Variants in P2RY12 observed in about 807,000 individuals in gnomAD.
P2RY12 encodes the protein P2Y purinoceptor 12.
P2RY12 carries 3 observed loss-of-function variants against 4.5 expected under a neutral mutation model. The ratio of observed to expected loss-of-function variants is 0.67; its 90% CI spans 0.31 to 1.74. The LOEUF is 1.74. Among genes scored for constraint, P2RY12 ranks in the 40% most tolerant of loss-of-function variants. P2RY12 has a pLI of 0.09. For missense variants in P2RY12, 356 were observed against 407.8 expected, an observed-to-expected ratio of 0.87 and a Z score of 1.09; for synonymous variants, 148 against 154.1, an observed-to-expected ratio of 0.96 and a Z score of 0.29.
intron 1 of P2RY12, among the ~76,000 whole-genome samples, chr3:151,376,465 G>GA (rs1756867706): frequency 6.6e-6 from 1 of 152,176 alleles, no homozygotes; most frequent in African/African-American, 2.4e-5. Context: ...ATGCTTCAGA[G>GA]AGGGGCTATG....
At chr3:151,384,448 A>G (rs1712957825) in intron 1 of P2RY12, among the ~76,000 whole-genome samples, 1 of 152,244 alleles carries the variant, frequency 6.6e-6, no homozygotes, top group Non-Finnish European at 1.5e-5. Flanking sequence ...TTAATTTTTT[A>G]AAGAACTTTA....
chr3:151,369,321 G>C (rs1755889737), intron 1 of P2RY12: 1 of 596,220 alleles, frequency 1.7e-6, no homozygotes, highest in South Asian at 2.7e-5. Flanking sequence ...ATTAAAGCAA[G>C]CTAATGGCAA....
intron 1 of P2RY12, chr3:151,380,045 G>T (rs1414384619): frequency 3.1e-6 from 3 of 983,314 alleles, no homozygotes; most frequent in East Asian, 2.7e-5. Context: ...GCAAAGAAAT[G>T]AATGTTGCCA....
chr3:151,374,415 G>A (rs1363288908), intron 1 of P2RY12, among the ~76,000 whole-genome samples: 1 of 152,148 alleles, frequency 6.6e-6, no homozygotes, highest in Non-Finnish European at 1.5e-5. Context: ...AGGTGTGGTG[G>A]CACATGCCTG....
intron 1 of P2RY12, chr3:151,372,885 C>A (rs181955885): frequency 1.2e-5 from 8 of 683,674 alleles, no homozygotes; most frequent in East Asian, 8.3e-5. Flanking sequence ...CACTTTATTT[C>A]GAAATAATTT....
chr3:151,366,915 G>A (rs906863523), intron 1 of P2RY12, among the ~76,000 whole-genome samples: 1 of 151,910 alleles, frequency 6.6e-6, no homozygotes, highest in African/African-American at 2.4e-5. Flanking sequence ...TAAAAAATTG[G>A]AATTAATAAT....
intron 1 of P2RY12, among the ~76,000 whole-genome samples, chr3:151,356,782 C>T (rs1753980869): frequency 6.6e-6 from 1 of 152,136 alleles, no homozygotes; most frequent in African/African-American, 2.4e-5. Context: ...TTCTTATGCA[C>T]ATTTGAGTTC....
At chr3:151,378,258 T>A (rs924916916) in intron 1 of P2RY12, 4 of 1,282,564 alleles carry the variant, frequency 3.1e-6, no homozygotes, top group Non-Finnish European at 4.2e-6. Flanking sequence ...GTGGTCACTG[T>A]ACCCACAGTC....
At chr3:151,340,292 A>G (rs144825964) in intron 2 of P2RY12, among the ~76,000 whole-genome samples, 2 of 152,186 alleles carry the variant, frequency 1.3e-5, no homozygotes. Flanking sequence ...TATTCTTGAC[A>G]TTGAGAATTT....
intron 1 of P2RY12, among the ~76,000 whole-genome samples, chr3:151,359,823 T>G (rs371167909): frequency 6.6e-6 from 1 of 152,134 alleles, no homozygotes; most frequent in African/African-American, 2.4e-5. Flanking sequence ...CACAAGTGTT[T>G]ACAGCTGTGG....
At chr3:151,372,855 G>A in intron 1 of P2RY12, 3 of 953,218 alleles carry the variant, frequency 3.1e-6, no homozygotes, top group Non-Finnish European at 4.7e-6. Context: ...TTGTGCATAG[G>A]TGGGCCTTTT....
intron 1 of P2RY12, among the ~76,000 whole-genome samples, chr3:151,353,427 T>A (rs1024392693): frequency 6.6e-6 from 1 of 152,252 alleles, no homozygotes; most frequent in Admixed American, 6.5e-5. Context: ...GCAGGTTTAA[T>A]GAATTTGTTA....
intron 1 of P2RY12, among the ~76,000 whole-genome samples, chr3:151,354,070 G>A (rs12486265): frequency 0.28 from 40,897 of 144,944 alleles, 6,010 homozygotes; most frequent in Non-Finnish European, 0.31. Context: ...GAACCCGGGA[G>A]GCGGAGCTTG....
rs770881434 is a variant in P2RY12 at position 151,337,319 on chromosome 3, T to G, written c.*498A>C. The stretch of plus-strand genomic sequence containing the variant: ...TGAAAAGTTAATAGTTATTATTCTT[T>G]GTGTATCCCACTTACTTAAATTTTT... On this transcript the variant is annotated 3_prime_UTR_variant, in exon 3 of 3. Transcript: ENST00000302632. 6.5e-6 allele frequency: 1 copy of G among 154,386 alleles called. No homozygotes were observed. Among genetic ancestry groups the G allele is most frequent in the South Asian group, 2.0e-4 (1 of 5,038 alleles). The allele number at this position is 154,386 out of a possible 1,614,324, so 9.6% of individuals were successfully genotyped here. A position where few individuals can be genotyped will look rare whatever the true frequency, so the allele number is the denominator to read the frequency against.
intron 1 of P2RY12, among the ~76,000 whole-genome samples, chr3:151,348,953 A>T (rs1444353320): frequency 6.6e-6 from 1 of 152,216 alleles, no homozygotes; most frequent in Non-Finnish European, 1.5e-5. Context: ...TTTCTCTGTG[A>T]GGAATTCTTT....
At chr3:151,365,800 AT>A (rs1292724663) in intron 1 of P2RY12, 1 of 1,488,334 alleles carries the variant, frequency 6.7e-7, no homozygotes, top group South Asian at 1.4e-5. Flanking sequence ...ACAGGTGAGT[AT>A]TTCTCTTTTG....
intron 1 of P2RY12, chr3:151,384,284 T>A: frequency 7.0e-7 from 1 of 1,425,466 alleles, no homozygotes; most frequent in Non-Finnish European, 9.5e-7. Context: ...TAGTGCATTT[T>A]AATTTATTAC....
chr3:151,338,365 T>C lies in P2RY12; in HGVS notation c.481A>G (p.Ile161Val), dbSNP rs775744997. The stretch of plus-strand genomic sequence containing the variant: ...TCTCTCGGCTGCCTGTTGGTCAGAA[T>C]CATGTTAGGCAAAGAGAGTAAGAAC... ...FMFLLSLPNM[I>V]LTNRQPRDKN... The change falls in exon 3 of 3, where the codon ATT becomes GTT. Residue 161 changes from isoleucine (I) to valine (V), a missense_variant. Coordinates refer to ENST00000302632, the MANE Select transcript of P2RY12 (RefSeq NM_022788.5). 11 of 1,614,150 alleles carry C rather than the reference T, an allele frequency of 6.8e-6. No homozygotes were observed. The South Asian group carries it at 1.1e-4, about 16-fold the overall frequency.
At chr3:151,342,921 C>T (rs375332243) in intron 1 of P2RY12, among the ~76,000 whole-genome samples, 32 of 152,082 alleles carry the variant, frequency 2.1e-4, no homozygotes, top group Middle Eastern at 3.2e-3. Flanking sequence ...CTGAAGTACG[C>T]GTATCATCCT....
Sources: allele counts gnomAD v4.1 joint callset (sites outside exome capture counted in the v4.1 genomes callset), GRCh38; gene constraint gnomAD v4.1.1; transcripts MANE v1.5; gene names NCBI Gene and HGNC (gene_info 2026-07-23, HGNC 2026-07-21).